The following TSHR variants were observed in gnomAD, a reference collection of about 807,000 sequenced individuals.
The protein encoded by TSHR is thyroid stimulating hormone receptor.
TSHR carries 51 observed loss-of-function variants against 64.1 expected under a neutral mutation model. The ratio of observed to expected loss-of-function variants is 0.80; its 90% CI spans 0.64 to 1.01. The LOEUF (loss-of-function observed/expected upper bound fraction) is 1.01, where lower values mean the gene tolerates loss of function less well. Among genes scored for constraint, TSHR ranks in the 50% least tolerant of loss-of-function variants. The pLI, the probability that TSHR is intolerant of heterozygous loss-of-function variation, is 0.00. For synonymous variants in TSHR, 361 were observed against 361.9 expected, an observed-to-expected ratio of 1.00 and a Z score of 0.03; for missense variants, 877 against 942.8, an observed-to-expected ratio of 0.93 and a Z score of 0.91.
chr14:81,093,059 A>G (rs1888882044), intron 6 of TSHR, among the ~76,000 whole-genome samples: 1 of 152,240 alleles, frequency 6.6e-6, no homozygotes, highest in Non-Finnish European at 1.5e-5. Context: ...CCCATTCTAC[A>G]GAAGAAGAAC....
chr14:81,108,938 G>T, intron 8 of TSHR: 1 of 1,372,388 alleles, frequency 7.3e-7, no homozygotes, highest in Non-Finnish European at 9.4e-7. Context: ...TTTTTAAACA[G>T]CATGAAAACA....
Position 81,068,309 on chromosome 14 carries a change from T to A in TSHR, c.298T>A (p.Leu100Met), listed in dbSNP as rs922054451. 2.5e-6 allele frequency: 4 copies of A among 1,613,064 alleles called. No homozygotes were observed. The highest frequency in any genetic ancestry group is 3.4e-6 in the Non-Finnish European group (4 of 1,179,348). Residue 100 changes from leucine to methionine, a missense_variant, in exon 3 of 10, where the codon TTG becomes ATG. Coordinates refer to ENST00000298171, the MANE Select transcript of TSHR (RefSeq NM_000369.5). ...GCTGGAATCACACTCCTTCTACAATTTGAGTAAAGTGACTCACATGTAAGT... is the reference window on the plus strand; with the variant it reads ...GCTGGAATCACACTCCTTCTACAATATGAGTAAAGTGACTCACATGTAAGT... ...QQLESHSFYNLSKVTHIEIRN... is the reference protein window; with the variant it reads ...QQLESHSFYNMSKVTHIEIRN...
intron 2 of TSHR, among the ~76,000 whole-genome samples, chr14:81,067,265 C>A (rs534934103): frequency 6.6e-6 from 1 of 151,634 alleles, no homozygotes. Flanking sequence ...TTCTGATGCT[C>A]ATGTTTTTTT....
intron 1 of TSHR, among the ~76,000 whole-genome samples, chr14:80,986,319 T>TAG (rs1888444237): frequency 1.3e-5 from 2 of 152,086 alleles, no homozygotes; most frequent in Non-Finnish European, 2.9e-5. Flanking sequence ...TAGAGAGAGA[T>TAG]AGATAGAGAT....
chr14:81,132,575 C>T (rs573975146), intron 8 of TSHR, among the ~76,000 whole-genome samples: 8 of 152,302 alleles, frequency 5.3e-5, no homozygotes, highest in South Asian at 2.1e-4. Context: ...TCATTAGACA[C>T]TTAACTCGAG....
Position 81,096,823 on chromosome 14 carries a change from G to C in TSHR, c.614+116G>C, listed in dbSNP as rs1163451837. ...CAGAGCATCTTCCACGCCAGAGTTA[G>C]TGTGACCAACATGGAAATGAGGTCA... On this transcript the variant is annotated intron_variant, in intron 7 of 9. Transcript: ENST00000298171. 5 of 1,170,378 alleles carry C rather than the reference G, an allele frequency of 4.3e-6. No homozygotes were observed. In the African/African-American group the frequency reaches 4.6e-5, roughly 11 times the overall value. 72.5% of individuals were successfully genotyped at this position (1,170,378 alleles called of 1,614,324 possible).
chr14:80,967,054 A>G (rs1747005358), intron 1 of TSHR, among the ~76,000 whole-genome samples: 6 of 152,084 alleles, frequency 3.9e-5, no homozygotes, highest in Admixed American at 3.9e-4. Flanking sequence ...TTTGGGGGAC[A>G]CACAAACATT....
At chr14:81,105,047 T>C (rs771421373) in intron 7 of TSHR, 5 of 985,300 alleles carry the variant, frequency 5.1e-6, no homozygotes, top group Non-Finnish European at 4.8e-6. Context: ...TCTTTTAAGC[T>C]ACTTTATGTT....
At chr14:81,017,364 T>C (rs1258605652) in intron 1 of TSHR, among the ~76,000 whole-genome samples, 2 of 152,160 alleles carry the variant, frequency 1.3e-5, no homozygotes, top group African/African-American at 4.8e-5. Flanking sequence ...ACCAGGATAA[T>C]GGCCACAGGG....
chr14:81,130,937 G>A (rs1891216178), intron 8 of TSHR, among the ~76,000 whole-genome samples: 1 of 88,990 alleles, frequency 1.1e-5, no homozygotes, highest in Non-Finnish European at 1.9e-5. Context: ...CTTGCAGTGA[G>A]CCGAGATTGC....
intron 8 of TSHR, among the ~76,000 whole-genome samples, chr14:81,122,989 C>A (rs7155361): frequency 3.7e-4 from 56 of 151,966 alleles, no homozygotes; most frequent in Non-Finnish European, 5.9e-4. Context: ...TAGCTAGGCG[C>A]GGTGGCAGGC....
intron 3 of TSHR, among the ~76,000 whole-genome samples, chr14:81,078,536 G>T (rs1887665069): frequency 6.6e-6 from 1 of 152,212 alleles, no homozygotes; most frequent in East Asian, 1.9e-4. Flanking sequence ...GAACTTCGTG[G>T]ATTTATGGGT....
chr14:81,083,852 G>A (rs1374028661), intron 3 of TSHR, among the ~76,000 whole-genome samples: 1 of 152,164 alleles, frequency 6.6e-6, no homozygotes, highest in African/African-American at 2.4e-5. Flanking sequence ...GACAGAAGGG[G>A]AAGCAAACAG....
At chr14:81,065,784 C>T (rs1886567583) in intron 2 of TSHR, among the ~76,000 whole-genome samples, 1 of 152,162 alleles carries the variant, frequency 6.6e-6, no homozygotes, top group Non-Finnish European at 1.5e-5. Flanking sequence ...AAAGCACATA[C>T]ACATACCTGA....
At chr14:81,139,893 T>C (rs1891613849) in intron 9 of TSHR, 26 bp downstream of exon 9, 6 of 1,613,536 alleles carry the variant, frequency 3.7e-6, no homozygotes, top group Non-Finnish European at 5.1e-6. Flanking sequence ...CCGGCATAAG[T>C]GACAAAAGAC....
intron 1 of TSHR, among the ~76,000 whole-genome samples, chr14:81,038,684 TAA>T (rs897813838): frequency 6.7e-6 from 1 of 149,960 alleles, no homozygotes; most frequent in Non-Finnish European, 1.5e-5. Flanking sequence ...CAGAGAATCA[TAA>T]GAGACAATTA....
intron 1 of TSHR, among the ~76,000 whole-genome samples, chr14:81,019,689 T>TA (rs1883632738): frequency 6.6e-6 from 1 of 151,970 alleles, no homozygotes; most frequent in African/African-American, 2.4e-5. Context: ...AACTCCCACT[T>TA]ACGAGTGAGA....
chr14:81,033,539 T>C (rs910727285), intron 1 of TSHR: 27 of 149,758 alleles, frequency 1.8e-4, no homozygotes, highest in Non-Finnish European at 7.4e-5. Context: ...TAAAAATCAG[T>C]GGTAAGTTAA....
chr14:80,988,870 C>CTCCCCT (rs1333829218), intron 1 of TSHR, among the ~76,000 whole-genome samples: 1 of 152,184 alleles, frequency 6.6e-6, no homozygotes, highest in Non-Finnish European at 1.5e-5. Context: ...CCCCAAACTA[C>CTCCCCT]TCCCCTTGAT....
Sources: allele counts gnomAD v4.1 joint callset (sites outside exome capture counted in the v4.1 genomes callset), GRCh38; gene constraint gnomAD v4.1.1; transcripts MANE v1.5; gene names NCBI Gene and HGNC (gene_info 2026-07-23, HGNC 2026-07-21).